The following PRAG1 variants were observed in gnomAD, a reference collection of about 807,000 sequenced individuals.
PRAG1 encodes PEAK1 related, kinase-activating pseudokinase 1.
A neutral mutation model predicts 95.6 loss-of-function variants in PRAG1; 110 were observed. The ratio of observed to expected loss-of-function variants is 1.15; its 90% confidence interval spans 0.99 to 1.35. The LOEUF is 1.35. Ranked by LOEUF, PRAG1 falls within the 40% of genes most tolerant of loss-of-function variation. PRAG1 has a pLI of 0.00. For synonymous variants in PRAG1, 1,052 were observed against 819.4 expected, an observed-to-expected ratio of 1.28 and a Z score of -4.85; for missense variants, 2,554 against 1,864.7, an observed-to-expected ratio of 1.37 and a Z score of -6.81.
At chr8:8,323,321 CTTT>C (rs36045122) in intron 5 of PRAG1, among the ~76,000 whole-genome samples, 5 of 138,014 alleles carry the variant, frequency 3.6e-5, no homozygotes, top group Non-Finnish European at 6.2e-5. Flanking sequence ...TTTTCCCTCC[CTTT>C]TTTTTTTTTT....
rs757496276 is a variant in PRAG1, at chr8:8,381,488, T to C, written c.260A>G (p.Lys87Arg). Residue 87 changes from lysine (K) to arginine (R), a missense_variant, in exon 2 of 6, where the codon AAG becomes AGG. Coordinates refer to ENST00000615670, the MANE Select transcript of PRAG1 (RefSeq NM_001080826.3). ...SPYSKPTIAV[K>R]PTMMSSEASD... ...GGCCTCGGAGCTCATCATGGTGGGC[T>C]TCACGGCAATTGTGGGCTTGGAGTA... 6.2e-7 allele frequency: 1 copy of C among 1,614,244 alleles called. No individual in the cohort carries two copies. The highest frequency in any genetic ancestry group is 1.1e-5 in the South Asian group (1 of 91,082).
rs373606217 is a variant in PRAG1, at chr8:8,318,331, G to C, written c.4044C>G (p.Cys1348Trp). ...QQPGTSEEAL[C>W]GTLHNWIDMK... is the part of the protein sequence containing the mutation. ...TGTCGATCCAGTTGTGCAGCGTGCC[G>C]CACAGCGCCTCCTCCGAGGTGCCCG... is the stretch of plus-strand genomic sequence containing the variant. Residue 1348 changes from cysteine (C) to tryptophan (W), a missense_variant, in exon 6 of 6, where the codon TGC becomes TGG. Physicochemically the swap from Cys to Trp is radical, Grantham distance 215. Transcript: ENST00000615670. The surrounding 1 kb of genome is among the most constrained non-coding windows in gnomAD (Gnocchi z 4.2). The C allele has an allele frequency of 4.3e-6, 7 of 1,613,998 alleles. No individual in the cohort carries two copies. Among genetic ancestry groups the C allele is most frequent in the Non-Finnish European group, 5.1e-6 (6 of 1,179,984 alleles).
chr8:8,328,199 G>C lies in PRAG1; in HGVS notation c.2583C>G (p.His861Gln), dbSNP rs201657603. ...TCCCGGGGCTCAACGAATAGCTAAA[G>C]TGAGATTCGTCGTGGACGTTGGTTT... is the stretch of plus-strand genomic sequence containing the variant. Reference protein sequence around the residue: ...HSETNVHDESHFSYSLSPGNR... With the variant: ...HSETNVHDESQFSYSLSPGNR... The change falls in exon 5 of 6, where the codon CAC (histidine) becomes CAG (glutamine). Residue 861 changes from histidine to glutamine, a missense_variant. Physicochemically the swap from His to Gln is conservative, Grantham distance 24 (BLOSUM62 0). Coordinates refer to ENST00000615670, the MANE Select transcript of PRAG1 (RefSeq NM_001080826.3). The C allele has an allele frequency of 6.2e-7, 1 of 1,614,248 alleles. No homozygotes were observed. The highest frequency in any genetic ancestry group is 8.5e-7 in the Non-Finnish European group (1 of 1,180,048).
At position 8,368,937 on chromosome 8, in the gene PRAG1, A is replaced by AT. The variant is rs1490431617; in HGVS notation, c.2162+7309_2162+7310insA. ...GCTCAGGTTGAAAAAAAAAAAAAAA[A>AT]GCAGGGTAATAGAGACCGGTAGCAG... On this transcript the variant is annotated intron_variant, in intron 3 of 5. Coordinates refer to ENST00000615670, the MANE Select transcript of PRAG1 (RefSeq NM_001080826.3). Among the ~76,000 whole-genome samples, 6 of 151,978 alleles carry AT rather than the reference A, an allele frequency of 3.9e-5. 1 individual carries two copies. Among genetic ancestry groups the AT allele is most frequent in the South Asian group, 4.2e-4 (2 of 4,812 alleles).
Position 8,318,748 on chromosome 8 carries a change from C to G in PRAG1, c.3627G>C (p.Leu1209=). The change falls in exon 6 of 6, where the codon CTG becomes CTC. Residue 1209 remains leucine, a synonymous_variant. Transcript: ENST00000615670. The surrounding 1 kb of genome is among the most constrained non-coding windows in gnomAD (Gnocchi z 4.2). The part of the protein sequence containing the change: ...ASPEGPREKQ[L]PRLIISNFLK... The stretch of plus-strand genomic sequence containing the variant: ...AAAAGTTGCTGATGATGAGCCGGGG[C>G]AGCTGCTTCTCCCGGGGCCCTTCCG... 6.3e-7 allele frequency: 1 copy of G among 1,597,498 alleles called. No homozygotes were observed. The highest frequency in any genetic ancestry group is 1.3e-5 in the African/African-American group (1 of 74,600).
intron 2 of PRAG1, among the ~76,000 whole-genome samples, chr8:8,379,492 G>T (rs1435783170): frequency 2.0e-5 from 3 of 152,222 alleles, no homozygotes; most frequent in Non-Finnish European, 2.9e-5. Context: ...CCTGGAGAAT[G>T]GGTGTAAGCA....
In PRAG1 at chr8:8,381,437, A is replaced by C; in HGVS notation, c.311T>G (p.Leu104Arg). 2 of 1,607,278 alleles carry C rather than the reference A, an allele frequency of 1.2e-6. No individual in the cohort carries two copies. Among genetic ancestry groups the C allele is most frequent in the Non-Finnish European group, 1.7e-6 (2 of 1,174,416 alleles). The change falls in exon 2 of 6, where the codon CTG becomes CGG. Residue 104 changes from leucine to arginine, a missense_variant. Leu to Arg is a moderately radical substitution (Grantham distance 102, BLOSUM62 -2). Coordinates refer to ENST00000615670, the MANE Select transcript of PRAG1 (RefSeq NM_001080826.3). ...CCTCACCTGCGAGACTTCGGCACTC[A>C]GGTTGGCCTCTGTCCACACATCAGA... ...EASDVWTEAN[L>R]SAEVSQVIWR...
rs565009032 is a variant in PRAG1 at position 8,381,778 on chromosome 8, C to T, written c.-31G>A. ...GCCGACAGGGTGCTGGTTCATCTTG[C>T]GCCCGGCTCTCTGGTGCAGTTTTGT... On this transcript the variant is annotated 5_prime_UTR_variant, in exon 2 of 6. Coordinates refer to ENST00000615670, the MANE Select transcript of PRAG1 (RefSeq NM_001080826.3). The T allele has an allele frequency of 1.1e-5, 17 of 1,524,042 alleles. No homozygotes were observed. The highest frequency in any genetic ancestry group is 7.0e-5 in the East Asian group (3 of 43,066). The allele number at this position is 1,524,042 out of a possible 1,614,324, so 94.4% of individuals were successfully genotyped here.
In PRAG1 at chr8:8,328,523, C is replaced by A. The variant is rs528055440; in HGVS notation, c.2321-62G>T. 30 of 1,535,950 alleles carry A rather than the reference C, an allele frequency of 2.0e-5. No individual in the cohort carries two copies. In the African/African-American group the frequency reaches 3.6e-4, roughly 19 times the overall value. On this transcript the variant is annotated intron_variant, in intron 4 of 5. Transcript: ENST00000615670. ...AGTGCCACTCAATTCCAGGGTCCTG[C>A]AGACTTGTTTCCCTTTATTTATTTA...
intron 3 of PRAG1, among the ~76,000 whole-genome samples, chr8:8,351,896 A>C (rs1302994326): frequency 6.6e-6 from 1 of 152,182 alleles, no homozygotes; most frequent in Non-Finnish European, 1.5e-5. Context: ...TTGGTTAAAC[A>C]AAAACACTAG....
At chr8:8,343,289 G>A (rs1799229960) in intron 3 of PRAG1, among the ~76,000 whole-genome samples, 1 of 152,174 alleles carries the variant, frequency 6.6e-6, no homozygotes, top group Non-Finnish European at 1.5e-5. Flanking sequence ...ACTGTAGATT[G>A]GTAAACTCAC....
chr8:8,328,430 G>C lies in PRAG1; in HGVS notation c.2352C>G (p.Thr784=). 4.3e-6 allele frequency: 7 copies of C among 1,613,694 alleles called. No individual in the cohort carries two copies. The highest frequency in any genetic ancestry group is 5.9e-6 in the Non-Finnish European group (7 of 1,180,028). Reference sequence around the variant, plus strand: ...GAGCAAAGAGCTTCTTCCCGCTGTTGGTGGGCGAGTGAGCCAGCTCAGACG... The same window carrying C: ...GAGCAAAGAGCTTCTTCCCGCTGTTCGTGGGCGAGTGAGCCAGCTCAGACG... ...GPSSELAHSP[T]NSGKKLFAPV... The change falls in exon 5 of 6, where the codon ACC becomes ACG. Residue 784 remains threonine (T), a synonymous_variant. Transcript: ENST00000615670.
rs765531204 is a variant in PRAG1 at position 8,376,461 on chromosome 8, G to A, written c.1948C>T (p.Leu650=). Residue 650 remains leucine, a synonymous_variant, in exon 3 of 6, where the codon CTG becomes TTG. Coordinates refer to ENST00000615670, the MANE Select transcript of PRAG1 (RefSeq NM_001080826.3). The stretch of plus-strand genomic sequence containing the variant: ...GTCTCTCTTCCCCAGCTGTGACTCA[G>A]CAATTCCTGCTCCACCTCCTCTTCT... The part of the protein sequence containing the change: ...EEEEEVEQEL[L]SHSWGRETKN... The A allele has an allele frequency of 1.4e-5, 22 of 1,613,974 alleles. No homozygotes were observed. In the South Asian group the frequency reaches 2.0e-4, roughly 14 times the overall value.
chr8:8,340,441 TCAC>T (rs1217982950), intron 3 of PRAG1, among the ~76,000 whole-genome samples: 1 of 152,232 alleles, frequency 6.6e-6, no homozygotes, highest in Non-Finnish European at 1.5e-5. Flanking sequence ...TCTGACATTC[TCAC>T]CATGAAGGGA....
At chr8:8,327,170 T>C (rs1041190190) in intron 5 of PRAG1, among the ~76,000 whole-genome samples, 5 of 152,214 alleles carry the variant, frequency 3.3e-5, no homozygotes, top group Non-Finnish European at 5.9e-5. Flanking sequence ...ACTGTTTTCT[T>C]AACTCAGCTA....
intron 3 of PRAG1, among the ~76,000 whole-genome samples, chr8:8,340,746 T>C (rs1287996054): frequency 6.6e-6 from 1 of 152,238 alleles, no homozygotes; most frequent in African/African-American, 2.4e-5. Flanking sequence ...GGTTTAAAGT[T>C]TGTTCGCTAC....
intron 4 of PRAG1, among the ~76,000 whole-genome samples, chr8:8,336,905 C>CA (rs1799002022): frequency 1.2e-5 from 1 of 82,148 alleles, no homozygotes; most frequent in African/African-American, 5.4e-5. Flanking sequence ...CCCCACACCC[C>CA]TTTCCCCCCT....
Position 8,318,676 on chromosome 8 carries a change from C to T in PRAG1, c.3699G>A (p.Lys1233=), listed in dbSNP as rs367973876. ...KPGGTPNLQQ[K]KSQARLAPEI... ...CGGGGGCCAGCCGGGCCTGGCTCTT[C>T]TTCTGCTGCAGGTTTGGGGTGCCGC... The change falls in exon 6 of 6, where the codon AAG becomes AAA. Residue 1233 remains lysine, a synonymous_variant. Coordinates refer to ENST00000615670, the MANE Select transcript of PRAG1 (RefSeq NM_001080826.3). The surrounding 1 kb of genome is among the most constrained non-coding windows in gnomAD (Gnocchi z 4.2). 2.5e-6 allele frequency: 4 copies of T among 1,611,502 alleles called. No homozygotes were observed. Among genetic ancestry groups the T allele is most frequent in the South Asian group, 1.1e-5 (1 of 91,046 alleles).
intron 3 of PRAG1, among the ~76,000 whole-genome samples, chr8:8,366,445 C>G (rs1419298168): frequency 2.0e-5 from 3 of 151,792 alleles, no homozygotes; most frequent in African/African-American, 7.3e-5. Flanking sequence ...TCCTGAGTAG[C>G]TAAGATTACA....
Sources: gnomAD v4.1 joint callset for allele counts (sites outside exome capture counted in the v4.1 genomes callset) on GRCh38, gnomAD v4.1.1 for gene constraint, Gnocchi (gnomAD v3.1) non-coding constraint, MANE v1.5 for transcripts, NCBI Gene and HGNC (gene_info 2026-07-23, HGNC 2026-07-21) for gene names.